The following NCAM1 variants were observed in gnomAD, a reference collection of about 807,000 sequenced individuals.
NCAM1 encodes the protein neural cell adhesion molecule 1, also known as antigen recognized by monoclonal antibody 5.1H11.
In NCAM1, 14 loss-of-function variants were observed where a neutral mutation model predicts 109.8. The ratio of observed to expected loss-of-function variants is 0.13; its 90% CI spans 0.08 to 0.20. NCAM1 has a LOEUF of 0.20. NCAM1 is among the 10% of genes least tolerant of loss of function. The pLI is 1.00. For missense variants in NCAM1, 774 were observed against 1,109.9 expected (o/e 0.70, Z 4.30); for synonymous variants, 418 against 442.9 (o/e 0.94, Z 0.70).
intron 1 of NCAM1, among the ~76,000 whole-genome samples, chr11:113,085,041 A>G (rs1386215899): frequency 6.6e-6 from 1 of 152,228 alleles, no homozygotes; most frequent in Non-Finnish European, 1.5e-5. Context: ...TGCTATATGA[A>G]TGTAACTGTA....
chr11:113,091,717 T>C lies in NCAM1; in HGVS notation c.53-110662T>C, dbSNP rs190354400. Among the ~76,000 whole-genome samples the C allele has an allele frequency of 2.0e-3, 307 of 152,296 alleles. 1 individual carries two copies. Among genetic ancestry groups the C allele is most frequent in the South Asian group, 0.011 (55 of 4,812 alleles). ...CACATGCAGTATCTCATTCAGTCCT[T>C]GGGGCCTGGAAAGTAGGGCTTATAG... On this transcript the variant is annotated intron_variant, in intron 1 of 19. Coordinates refer to ENST00000316851, the MANE Select transcript of NCAM1 (RefSeq NM_181351.5).
At chr11:113,166,522 A>G (rs1208342290) in intron 1 of NCAM1, among the ~76,000 whole-genome samples, 2 of 152,210 alleles carry the variant, frequency 1.3e-5, no homozygotes, top group Non-Finnish European at 2.9e-5. Context: ...CATTTTACTT[A>G]AAGCACAGAT....
intron 17 of NCAM1, 65 bp downstream of exon 17, chr11:113,260,388 A>G (rs546006299): frequency 6.6e-7 from 1 of 1,510,886 alleles, no homozygotes; most frequent in African/African-American, 1.4e-5. Flanking sequence ...TGCACCTCCT[A>G]ATGCGCCTGA....
At chr11:113,236,414 G>T in intron 14 of NCAM1, 2 of 1,309,098 alleles carry the variant, frequency 1.5e-6, no homozygotes, top group East Asian at 2.3e-5. Flanking sequence ...GTCCCCTAGA[G>T]GCTGAAGTAG....
chr11:112,981,041 C>T (rs1951141246), intron 1 of NCAM1, among the ~76,000 whole-genome samples: 1 of 151,774 alleles, frequency 6.6e-6, no homozygotes, highest in African/African-American at 2.4e-5. Context: ...TTCTGGGGAG[C>T]TGTTACTCAG....
Position 113,204,285 on chromosome 11 carries a change from G to A in NCAM1, c.128-1G>A. 6.2e-7 allele frequency: 1 copy of A among 1,606,668 alleles called. No homozygotes were observed. The highest frequency in any genetic ancestry group is 8.5e-7 in the Non-Finnish European group (1 of 1,176,398). The stretch of plus-strand genomic sequence containing the variant: ...CTTAAAAATAATCTCTTCCTCTTTA[G>A]TGGCAGGAGATGCCAAAGATAAAGA... On this transcript the variant is annotated splice_acceptor_variant, in intron 2 of 19. Transcript: ENST00000316851. LOFTEE classifies it high-confidence loss of function.
At chr11:113,271,468 G>C (rs1357057039) in intron 18 of NCAM1, among the ~76,000 whole-genome samples, 1 of 150,710 alleles carries the variant, frequency 6.6e-6, no homozygotes, top group African/African-American at 2.4e-5. Flanking sequence ...GCAATGATCT[G>C]TGTCAGGCAC....
At chr11:113,262,564 G>A (rs1244104751) in intron 17 of NCAM1, among the ~76,000 whole-genome samples, 1 of 152,094 alleles carries the variant, frequency 6.6e-6, no homozygotes, top group Admixed American at 6.5e-5. Context: ...CTGGCCTTAT[G>A]GTATTGATAC....
At chr11:113,111,075 C>T (rs979518856) in intron 1 of NCAM1, among the ~76,000 whole-genome samples, 3 of 152,186 alleles carry the variant, frequency 2.0e-5, no homozygotes, top group African/African-American at 7.2e-5. Context: ...CCCAGTGTCA[C>T]ACAACTCATA....
intron 1 of NCAM1, chr11:113,197,202 C>T (rs781803101): frequency 1.1e-5 from 3 of 268,888 alleles, no homozygotes; most frequent in South Asian, 3.5e-5. Flanking sequence ...AATTACAATT[C>T]GTGATGAGAT....
At chr11:113,075,577 C>T (rs185335747) in intron 1 of NCAM1, among the ~76,000 whole-genome samples, 17 of 152,222 alleles carry the variant, frequency 1.1e-4, no homozygotes, top group African/African-American at 3.6e-4. Flanking sequence ...GAGGAAGGCT[C>T]TCAGCTTTCC....
chr11:113,033,208 A>ATG (rs1555078584), intron 1 of NCAM1, among the ~76,000 whole-genome samples: 2 of 152,238 alleles, frequency 1.3e-5, no homozygotes, highest in African/African-American at 4.8e-5. Flanking sequence ...GCTGTGTTTC[A>ATG]TGTGTGATAG....
intron 14 of NCAM1, among the ~76,000 whole-genome samples, chr11:113,244,654 CGTGTGTGTGTGTGTGT>C (rs55798470): frequency 2.7e-5 from 4 of 149,762 alleles, no homozygotes; most frequent in African/African-American, 7.4e-5. Flanking sequence ...TGTGTGTGTG[CGTGTGTGTGTGTGTGT>C]GTGTGTGTGT....
chr11:113,235,455 G>A, intron 14 of NCAM1: 1 of 672,578 alleles, frequency 1.5e-6, no homozygotes, highest in Non-Finnish European at 2.7e-6. Context: ...AAGGAAGTGG[G>A]GAGAAAACCA....
At position 113,071,421 on chromosome 11, in the gene NCAM1, A is replaced by ATT. The variant is rs66821824; in HGVS notation, c.52+109778_52+109779dup. ...TTTGGAATTTGCCATTGTTGGTTGG[A>ATT]TTTTTTTTTTTTTTTTTTTTTTGAT... On this transcript the variant is annotated intron_variant, in intron 1 of 19. Transcript: ENST00000316851. Among the ~76,000 whole-genome samples the ATT allele has an allele frequency of 8.5e-4, 108 of 127,654 alleles. 2 individuals carry two copies. Among genetic ancestry groups the ATT allele is most frequent in the African/African-American group, 1.9e-3 (65 of 33,440 alleles). 83.7% of individuals were successfully genotyped at this position (127,654 alleles called of 152,430 possible).
intron 1 of NCAM1, among the ~76,000 whole-genome samples, chr11:113,171,528 G>A (rs1942989148): frequency 6.6e-6 from 1 of 152,100 alleles, no homozygotes; most frequent in South Asian, 2.1e-4. Flanking sequence ...AGCTACTCAG[G>A]AGGCTGAGGC....
At chr11:113,043,380 C>G (rs1953145473) in intron 1 of NCAM1, among the ~76,000 whole-genome samples, 1 of 152,024 alleles carries the variant, frequency 6.6e-6, no homozygotes, top group Admixed American at 6.6e-5. Context: ...TCTTGTTGCC[C>G]AGGCTGGAGT....
chr11:113,022,666 G>A (rs1391309056), intron 1 of NCAM1, among the ~76,000 whole-genome samples: 1 of 152,198 alleles, frequency 6.6e-6, no homozygotes, highest in Non-Finnish European at 1.5e-5. Flanking sequence ...GCTTCAACAA[G>A]TTAGTTTATT....
chr11:113,227,520 C>G (rs1555116462), intron 9 of NCAM1, among the ~76,000 whole-genome samples: 2 of 152,200 alleles, frequency 1.3e-5, no homozygotes, highest in Non-Finnish European at 1.5e-5. Context: ...GGAGCTGGTA[C>G]CATTCCTTCT....
Sources: allele counts gnomAD v4.1 joint callset (sites outside exome capture counted in the v4.1 genomes callset), GRCh38; gene constraint gnomAD v4.1.1; transcripts MANE v1.5; gene names NCBI Gene and HGNC (gene_info 2026-07-23, HGNC 2026-07-21).